RPH3A: variants seen among roughly 807,000 people sequenced by gnomAD.
RPH3A encodes rabphilin-3A.
A neutral mutation model predicts 102.2 loss-of-function variants in RPH3A; 48 were observed. That is an observed-to-expected ratio of 0.47 (90% CI 0.37 to 0.60). The LOEUF is 0.60. Ranked by LOEUF, RPH3A falls within the 20% of genes least tolerant of loss-of-function variation. The pLI, the probability that RPH3A is intolerant of heterozygous loss-of-function variation, is 0.00. For synonymous variants in RPH3A, 310 were observed against 324.3 expected (o/e 0.96, Z 0.47); for missense variants, 781 against 910.1 (o/e 0.86, Z 1.83).
intron 1 of RPH3A, among the ~76,000 whole-genome samples, chr12:112,660,775 C>T (rs189215470): frequency 6.6e-6 from 1 of 152,266 alleles, no homozygotes; most frequent in Admixed American, 6.5e-5. Flanking sequence ...AAGCAACACG[C>T]CCACAGCTAG....
intron 1 of RPH3A, among the ~76,000 whole-genome samples, chr12:112,662,765 C>CAAA (rs111751138): frequency 2.6e-4 from 29 of 113,504 alleles, no homozygotes; most frequent in African/African-American, 8.0e-4. Context: ...ACTTTGCTTA[C>CAAA]AAAAAAAAAA....
At chr12:112,753,589 G>C (rs1385122261) in intron 1 of RPH3A, among the ~76,000 whole-genome samples, 1 of 152,120 alleles carries the variant, frequency 6.6e-6, no homozygotes, top group Non-Finnish European at 1.5e-5. Flanking sequence ...TATTATTCCT[G>C]TTTCTTGCCT....
At chr12:112,715,663 G>A (rs913676920) in intron 1 of RPH3A, among the ~76,000 whole-genome samples, 2 of 152,136 alleles carry the variant, frequency 1.3e-5, no homozygotes, top group African/African-American at 4.8e-5. Flanking sequence ...AGCTCACAGT[G>A]GGCAGGGACC....
intron 1 of RPH3A, among the ~76,000 whole-genome samples, chr12:112,749,986 C>T (rs2040775636): frequency 6.6e-6 from 1 of 152,094 alleles, no homozygotes; most frequent in East Asian, 1.9e-4. Context: ...GCATTCCTGT[C>T]TGGTCACTGT....
chr12:112,815,967 G>C (rs942054707), intron 2 of RPH3A, among the ~76,000 whole-genome samples: 5 of 152,188 alleles, frequency 3.3e-5, no homozygotes, highest in Admixed American at 2.0e-4. Context: ...AGAGTGTTCT[G>C]TTGAACGATG....
At position 112,675,642 on chromosome 12, in the gene RPH3A, T is replaced by C. The variant is rs142788257; in HGVS notation, c.-140+100323T>C. On this transcript the variant is annotated intron_variant, in intron 1 of 21. Coordinates refer to the RPH3A transcript ENST00000543106. ...TACTCCAAAGAGGGCAAAAGTTTGT[T>C]TGGGAAGGTTTTTTGAGGGATCCTT... 1.8e-3 allele frequency among the ~76,000 whole-genome samples: 268 copies of C among 152,290 alleles called. 2 individuals are homozygous for C. The highest frequency in any genetic ancestry group is 6.1e-3 in the African/African-American group (252 of 41,564).
rs377023105 is a variant in RPH3A, at chr12:112,896,822, C to G, written c.*42C>G. The G allele has an allele frequency of 6.6e-5, 107 of 1,610,680 alleles. 1 individual carries two copies. The East Asian group carries it at 7.4e-4, about 11-fold the overall frequency. ...CCATCTCCATGTCCCGGGTCCCCCC[C>G]AGCCTGCTCTAGCTGCCCACCGCAC... On this transcript the variant is annotated 3_prime_UTR_variant, in exon 22 of 22. Transcript: ENST00000389385.
intron 2 of RPH3A, among the ~76,000 whole-genome samples, chr12:112,825,853 A>G (rs1466681504): frequency 6.6e-6 from 1 of 152,352 alleles, no homozygotes; most frequent in South Asian, 2.1e-4. Context: ...ACTAAATCAG[A>G]GTAAAGGAGG....
intron 1 of RPH3A, among the ~76,000 whole-genome samples, chr12:112,632,046 G>A (rs1285769179): frequency 2.0e-5 from 3 of 152,216 alleles, no homozygotes; most frequent in East Asian, 3.9e-4. Context: ...AATTATGGGG[G>A]TAGGTCTTTC....
intron 2 of RPH3A, among the ~76,000 whole-genome samples, chr12:112,814,349 A>G (rs1379089686): frequency 6.6e-6 from 1 of 152,110 alleles, no homozygotes; most frequent in Non-Finnish European, 1.5e-5. Context: ...TCCTTTTCAA[A>G]TACAGAAAGG....
chr12:112,706,442 C>T lies in RPH3A; in HGVS notation c.-139-85701C>T, dbSNP rs115776149. ...TTCAATGTCTTCCTTCTATTCTCTTCTCCTTTTCTCTCCCTACTGATGCTT... is the reference window on the plus strand; with the variant it reads ...TTCAATGTCTTCCTTCTATTCTCTTTTCCTTTTCTCTCCCTACTGATGCTT... On this transcript the variant is annotated intron_variant, in intron 1 of 21. Transcript: ENST00000543106. Among the ~76,000 whole-genome samples the T allele has an allele frequency of 1.2e-3, 180 of 152,308 alleles. 2 individuals are homozygous for T. The highest frequency in any genetic ancestry group is 3.9e-3 in the African/African-American group (164 of 41,574).
At position 112,605,448 on chromosome 12, in the gene RPH3A, CCAA is replaced by C. The variant is rs993221067; in HGVS notation, c.-140+30139_-140+30141del. 2.0e-5 allele frequency among the ~76,000 whole-genome samples: 3 copies of C among 151,986 alleles called. 1 individual carries two copies. The highest frequency in any genetic ancestry group is 1.3e-4 in the Admixed American group (2 of 15,254). On this transcript the variant is annotated intron_variant, in intron 1 of 21. Transcript: ENST00000543106. Reference sequence around the variant, plus strand: ...AAACCGAACAAAACAAAAAACAAAACCAACAACAACAAACCACTAGACTCAGAA... The same window carrying C: ...AAACCGAACAAAACAAAAAACAAAACCAACAACAAACCACTAGACTCAGAA...
chr12:112,659,478 A>C (rs1237448602), intron 1 of RPH3A, among the ~76,000 whole-genome samples: 7 of 152,232 alleles, frequency 4.6e-5, no homozygotes, highest in Admixed American at 2.6e-4. Context: ...AGAGTATTAC[A>C]GAAGGGATGC....
chr12:112,608,684 C>A (rs571878944), intron 1 of RPH3A, among the ~76,000 whole-genome samples: 1 of 152,212 alleles, frequency 6.6e-6, no homozygotes, highest in Non-Finnish European at 1.5e-5. Context: ...AGGGCTTGAG[C>A]TTCTGTGTTA....
intron 20 of RPH3A, among the ~76,000 whole-genome samples, 168 bp downstream of exon 20, chr12:112,894,827 G>T (rs982336707): frequency 2.6e-5 from 4 of 152,114 alleles, no homozygotes; most frequent in Admixed American, 6.5e-5. Context: ...ATGCTAAGTT[G>T]GTTTTTGCCC....
intron 1 of RPH3A, among the ~76,000 whole-genome samples, chr12:112,694,644 GCACACGCACACACACA>G (rs1260480558): frequency 1.0e-3 from 131 of 127,016 alleles, no homozygotes; most frequent in African/African-American, 3.4e-3. Context: ...GCGCGCGCGC[GCACACGCACACACACA>G]CACACACACA....
At chr12:112,622,088 TA>T (rs946449717) in intron 1 of RPH3A, among the ~76,000 whole-genome samples, 4 of 147,752 alleles carry the variant, frequency 2.7e-5, no homozygotes, top group Non-Finnish European at 4.5e-5. Context: ...GAAAAGTAGA[TA>T]AAACCACAAA....
Position 112,783,773 on chromosome 12 carries a change from TG to T in RPH3A, c.-139-8367del, listed in dbSNP as rs577674047. 2.6e-3 allele frequency among the ~76,000 whole-genome samples: 402 copies of T among 152,300 alleles called. 2 individuals are homozygous for T. The highest frequency in any genetic ancestry group is 9.4e-3 in the African/African-American group (391 of 41,570). On this transcript the variant is annotated intron_variant, in intron 1 of 21. Coordinates refer to the RPH3A transcript ENST00000543106. ...TCACACAACCAGTGAGTGGAAAACG[TG>T]GGACTCAAAGCCAGCTCCCTCTCAA...
intron 5 of RPH3A, among the ~76,000 whole-genome samples, chr12:112,853,699 C>T (rs939444641): frequency 1.3e-5 from 2 of 151,972 alleles, no homozygotes; most frequent in Non-Finnish European, 2.9e-5. Context: ...TGTGGTGGTG[C>T]ATGCCTGTAA....
Sources: allele counts gnomAD v4.1 joint callset (sites outside exome capture counted in the v4.1 genomes callset), GRCh38; gene constraint gnomAD v4.1.1; transcripts MANE v1.5; gene names NCBI Gene and HGNC (gene_info 2026-07-23, HGNC 2026-07-21).